CSMD1: variants seen among roughly 807,000 people sequenced by gnomAD.
CSMD1 encodes the protein CUB and Sushi multiple domains 1, also known as CUB and sushi domain-containing protein 1.
CSMD1 carries 213 observed loss-of-function variants against 417.5 expected under a neutral mutation model. The observed-to-expected ratio is 0.51, with a 90% confidence interval of 0.46 to 0.57. The LOEUF (loss-of-function observed/expected upper bound fraction) is 0.57. Among genes scored for constraint, CSMD1 ranks in the 20% least tolerant of loss-of-function variants. CSMD1 has a pLI of 0.00. For missense variants in CSMD1, 6,923 were observed against 4,529.7 expected (o/e 1.53, Z -15.17); for synonymous variants, 2,862 against 1,736.8 (o/e 1.65, Z -16.11).
intron 3 of CSMD1, among the ~76,000 whole-genome samples, chr8:4,287,638 G>T (rs2128864778): frequency 6.8e-6 from 1 of 146,494 alleles, no homozygotes; most frequent in Admixed American, 7.1e-5. Flanking sequence ...AATGCTGGCT[G>T]CAGTCTCGTC....
At position 3,399,501 on chromosome 8, in the gene CSMD1, G is replaced by A. The variant is rs140328341; in HGVS notation, c.2295C>T (p.Ser765=). ...ATCCAGGAGGCAAAATGACTCCGCT[G>A]GACGCTGTCAGATGTCCACCACATG... ...EAPCGGHLTA[S]SGVILPPGWP... The change falls in exon 16 of 70, where the codon TCC becomes TCT. Residue 765 remains serine, a synonymous_variant. Transcript: ENST00000635120. 4.6e-5 allele frequency: 74 copies of A among 1,604,210 alleles called. No individual in the cohort carries two copies. In the Admixed American group the frequency reaches 1.2e-3, roughly 25 times the overall value.
At chr8:4,710,166 T>C (rs1808198267) in intron 1 of CSMD1, among the ~76,000 whole-genome samples, 1 of 152,008 alleles carries the variant, frequency 6.6e-6, no homozygotes, top group African/African-American at 2.4e-5. Context: ...GTCTGCATGC[T>C]TTCCTCTGCC....
rs1221245149 is a variant in CSMD1 at position 4,503,962 on chromosome 8, G to C, written c.303-83897C>G. Among the ~76,000 whole-genome samples the C allele has an allele frequency of 2.8e-5, 4 of 141,846 alleles. No homozygotes were observed. The East Asian group carries it at 6.3e-4, about 22-fold the overall frequency. 93.1% of individuals were successfully genotyped at this position (141,846 alleles called of 152,430 possible). On this transcript the variant is annotated intron_variant, in intron 2 of 69. Coordinates refer to ENST00000635120, the MANE Select transcript of CSMD1 (RefSeq NM_033225.6). ...ATCACATAATCCAGCAACACTACTT[G>C]CATATTCAAAAAAAAAAAAAAAGAA...
intron 12 of CSMD1, among the ~76,000 whole-genome samples, chr8:3,446,581 G>A (rs879462074): frequency 2.0e-5 from 3 of 152,160 alleles, no homozygotes; most frequent in African/African-American, 4.8e-5. Flanking sequence ...TCCTCTCCAC[G>A]GGTAAACAGA....
intron 3 of CSMD1, among the ~76,000 whole-genome samples, chr8:4,124,753 G>C (rs114336738): frequency 3.9e-5 from 6 of 152,272 alleles, no homozygotes; most frequent in African/African-American, 1.4e-4. Context: ...CAAACTAAGG[G>C]ACTGAAACTT....
chr8:4,447,437 G>T (rs1798879701), intron 2 of CSMD1, among the ~76,000 whole-genome samples: 2 of 152,208 alleles, frequency 1.3e-5, no homozygotes. Flanking sequence ...TCTGGACCCA[G>T]AGGAAGGAGT....
At chr8:4,687,444 T>A (rs758308862) in intron 1 of CSMD1, among the ~76,000 whole-genome samples, 3 of 152,216 alleles carry the variant, frequency 2.0e-5, no homozygotes, top group Non-Finnish European at 4.4e-5. Flanking sequence ...ATGTTGATAA[T>A]TTAGTCAACA....
At chr8:4,762,128 A>C (rs968988509) in intron 1 of CSMD1, among the ~76,000 whole-genome samples, 6 of 152,130 alleles carry the variant, frequency 3.9e-5, no homozygotes, top group African/African-American at 9.7e-5. Context: ...AATGGAACTG[A>C]AATAAATGTA....
intron 1 of CSMD1, chr8:4,788,199 C>G (rs553172550): frequency 1.3e-6 from 2 of 1,592,426 alleles, no homozygotes; most frequent in Non-Finnish European, 8.6e-7. Context: ...TCCATGTGAA[C>G]TTTGAGTAAC....
intron 5 of CSMD1, among the ~76,000 whole-genome samples, chr8:3,797,697 G>A (rs532147372): frequency 6.6e-6 from 1 of 151,736 alleles, no homozygotes; most frequent in African/African-American, 2.4e-5. Flanking sequence ...TTCACCTTTT[G>A]GCTAATACAA....
chr8:3,718,567 T>C (rs1241175037), intron 6 of CSMD1, among the ~76,000 whole-genome samples: 9 of 152,206 alleles, frequency 5.9e-5, no homozygotes, highest in African/African-American at 1.4e-4. Flanking sequence ...TGTCGCTTAA[T>C]AGCAGCACTA....
chr8:3,118,674 G>A (rs1025053587), intron 41 of CSMD1, 87 bp from the exon 42 acceptor site: 16 of 1,174,292 alleles, frequency 1.4e-5, no homozygotes, highest in South Asian at 2.9e-5. Flanking sequence ...ACATGTGACT[G>A]CTTGAGATGA....
At chr8:4,584,565 C>G (rs142871506) in intron 2 of CSMD1, among the ~76,000 whole-genome samples, 1,823 of 152,228 alleles carry the variant, frequency 0.012, 14 homozygotes, top group Non-Finnish European at 0.019. Flanking sequence ...CCAGCTTCCG[C>G]TTTTCCTGTA....
chr8:3,523,753 GCA>G (rs532963037), intron 10 of CSMD1, among the ~76,000 whole-genome samples: 15 of 146,600 alleles, frequency 1.0e-4, no homozygotes, highest in Admixed American at 5.4e-4. Context: ...GCATACACAT[GCA>G]CACACACATG....
chr8:4,294,519 C>A (rs931158869), intron 3 of CSMD1, among the ~76,000 whole-genome samples: 1 of 152,168 alleles, frequency 6.6e-6, no homozygotes, highest in Non-Finnish European at 1.5e-5. Context: ...TGAGTTCCTC[C>A]ACTTTGCAGA....
At chr8:3,309,080 G>C (rs958493528) in intron 23 of CSMD1, among the ~76,000 whole-genome samples, 3 of 152,186 alleles carry the variant, frequency 2.0e-5, no homozygotes, top group African/African-American at 7.2e-5. Context: ...CAAGCCTCCA[G>C]TCTGCACCCT....
At chr8:4,594,533 T>C (rs993594389) in intron 2 of CSMD1, among the ~76,000 whole-genome samples, 3 of 152,120 alleles carry the variant, frequency 2.0e-5, no homozygotes, top group Non-Finnish European at 4.4e-5. Context: ...GGTCACATTC[T>C]GAGTTATTGG....
chr8:3,596,060 G>C (rs954020935), intron 8 of CSMD1, among the ~76,000 whole-genome samples: 5 of 151,300 alleles, frequency 3.3e-5, no homozygotes, highest in African/African-American at 1.2e-4. Context: ...CGTGGGCTTA[G>C]GAAGCCAGAG....
intron 2 of CSMD1, among the ~76,000 whole-genome samples, chr8:4,622,108 G>A (rs1801814463): frequency 6.6e-6 from 1 of 151,272 alleles, no homozygotes; most frequent in East Asian, 1.9e-4. Context: ...CTCTCATCAG[G>A]GAAATTCAGT....
Sources: allele counts gnomAD v4.1 joint callset (sites outside exome capture counted in the v4.1 genomes callset), GRCh38; gene constraint gnomAD v4.1.1; transcripts MANE v1.5; gene names NCBI Gene and HGNC (gene_info 2026-07-23, HGNC 2026-07-21).